Variants in DELE1 observed in about 807,000 individuals in gnomAD.
DELE1 encodes DAP3 binding cell death enhancer 1, also known as death ligand signal enhancer.
A neutral mutation model predicts 59.3 loss-of-function variants in DELE1; 54 were observed. That is an observed-to-expected ratio of 0.91 (90% CI 0.73 to 1.14). The LOEUF (loss-of-function observed/expected upper bound fraction) is 1.14. Among genes scored for constraint, DELE1 ranks in the 50% most tolerant of loss-of-function variants. The pLI is 0.00. For synonymous variants in DELE1, 264 were observed against 259.1 expected, an observed-to-expected ratio of 1.02 and a Z score of -0.18; for missense variants, 636 against 643.9, an observed-to-expected ratio of 0.99 and a Z score of 0.13.
chr5:141,924,913 C>A (rs1016792035), intron 2 of DELE1, among the ~76,000 whole-genome samples: 1 of 150,936 alleles, frequency 6.6e-6, no homozygotes, highest in African/African-American at 2.4e-5. Context: ...CGTCACCACA[C>A]CCTGCTAATT....
chr5:141,928,414 TGAA>T, intron 4 of DELE1, 116 bp downstream of exon 4: 1 of 1,258,728 alleles, frequency 7.9e-7, no homozygotes, highest in South Asian at 1.5e-5. Flanking sequence ...CTTTCCTATC[TGAA>T]GTCAGAGGAA....
intron 1 of DELE1, 124 bp downstream of exon 1, chr5:141,924,096 G>A: frequency 7.7e-7 from 1 of 1,293,394 alleles, no homozygotes; most frequent in Non-Finnish European, 1.1e-6. Context: ...GGCGGGGCTT[G>A]AAAGAGGGCG....
At chr5:141,936,685 G>A (rs1241628432) in intron 10 of DELE1, among the ~76,000 whole-genome samples, 7 of 152,100 alleles carry the variant, frequency 4.6e-5, no homozygotes, top group Non-Finnish European at 8.8e-5. Context: ...TGCCCACCTT[G>A]CCCTCCCAAA....
rs747756375 is a variant in DELE1 at position 141,928,275 on chromosome 5, C to G, written c.389C>G (p.Ser130Cys). 2 of 1,614,170 alleles carry G rather than the reference C, an allele frequency of 1.2e-6. No individual in the cohort carries two copies. Among genetic ancestry groups the G allele is most frequent in the South Asian group, 2.2e-5 (2 of 91,084 alleles). ...WHSPLDRFFS[S>C]PLWHPCSSLR... is the part of the protein sequence containing the mutation. ...AGTCCCCTGGACCGTTTCTTCTCAT[C>G]TCCCTTGTGGCACCCATGCTCCTGT... Residue 130 changes from serine (S) to cysteine (C), a missense_variant, in exon 4 of 12, where the codon TCT (serine) becomes TGT (cysteine). Transcript: ENST00000432126.
Position 141,940,643 on chromosome 5 carries a change from C to T in DELE1, c.*1884C>T. 1 of 986,038 alleles carries T rather than the reference C, an allele frequency of 1.0e-6. No individual in the cohort carries two copies. The highest frequency in any genetic ancestry group is 1.2e-6 in the Non-Finnish European group (1 of 830,270). 61.1% of individuals were successfully genotyped at this position (986,038 alleles called of 1,614,324 possible). A position where few individuals can be genotyped will look rare whatever the true frequency, so the allele number is the denominator to read the frequency against. On this transcript the variant is annotated 3_prime_UTR_variant, in exon 12 of 12. Coordinates refer to ENST00000432126, the MANE Select transcript of DELE1 (RefSeq NM_014773.5). ...AGCGTCCTCTAGCTCCATCTCCTCG[C>T]CTGCTCCCTGCCTCCTTTTCAGGGC...
rs370395241 is a variant in DELE1, at chr5:141,934,235, C to T, written c.898-5C>T. The T allele has an allele frequency of 2.7e-5, 44 of 1,600,346 alleles. No homozygotes were observed. Among genetic ancestry groups the T allele is most frequent in the South Asian group, 5.5e-5 (5 of 90,512 alleles). On this transcript the variant is annotated splice_polypyrimidine_tract_variant and splice_region_variant and intron_variant, in intron 8 of 11. Coordinates refer to ENST00000432126, the MANE Select transcript of DELE1 (RefSeq NM_014773.5). ...GCCGACTGGGTGTTTCTCCCTTTGC[C>T]CCAGGCGGTCCTTTATTATCAGTTG...
rs1752754598 is a variant in DELE1, at chr5:141,941,814, G to A, written c.*3055G>A. ...CAGTAAATATACATTCAACAAATAA[G>A]TGAGTGATTATACTCAACTCCCCCC... On this transcript the variant is annotated 3_prime_UTR_variant, in exon 12 of 12. Coordinates refer to ENST00000432126, the MANE Select transcript of DELE1 (RefSeq NM_014773.5). 5.1e-6 allele frequency: 5 copies of A among 985,226 alleles called. No individual in the cohort carries two copies. In the South Asian group the frequency reaches 2.3e-4, roughly 46 times the overall value. The allele number at this position is 985,226 out of a possible 1,614,324, so 61.0% of individuals were successfully genotyped here.
rs749225437 is a variant in DELE1, at chr5:141,934,313, TACGAG to T, written c.974_978del (p.Arg325ProfsTer8). On this transcript the variant is annotated frameshift_variant, in exon 9 of 12. Transcript: ENST00000432126. LOFTEE classifies it high-confidence loss of function. ...CAGTACCGCTATGCCAGGTGCCTAC[TACGAG>T]ACCCAGCCTCTTCGTGGAACCCTGA... 5 of 1,614,202 alleles carry T rather than the reference TACGAG, an allele frequency of 3.1e-6. No individual in the cohort carries two copies. The highest frequency in any genetic ancestry group is 4.2e-6 in the Non-Finnish European group (5 of 1,180,034).
In DELE1 at chr5:141,941,797, A is replaced by G. The variant is rs1752753641; in HGVS notation, c.*3038A>G. ...TGGGGCACTCAGATGTTCAGTAAAT[A>G]TACATTCAACAAATAAGTGAGTGAT... On this transcript the variant is annotated 3_prime_UTR_variant, in exon 12 of 12. Coordinates refer to ENST00000432126, the MANE Select transcript of DELE1 (RefSeq NM_014773.5). 2 of 985,286 alleles carry G rather than the reference A, an allele frequency of 2.0e-6. No individual in the cohort carries two copies. Among genetic ancestry groups the G allele is most frequent in the African/African-American group, 1.7e-5 (1 of 57,218 alleles). The allele number at this position is 985,286 out of a possible 1,614,324, so 61.0% of individuals were successfully genotyped here.
At chr5:141,938,482 T>C (rs376293860) in intron 11 of DELE1, 39 bp from the exon 12 acceptor site, 17 of 1,595,884 alleles carry the variant, frequency 1.1e-5, no homozygotes, top group African/African-American at 5.4e-5. Flanking sequence ...TCCAAGAATA[T>C]ACAGCAAGAG....
Position 141,940,386 on chromosome 5 carries a change from A to C in DELE1, c.*1627A>C, listed in dbSNP as rs984445660. The C allele has an allele frequency of 4.1e-6, 4 of 984,978 alleles. No individual in the cohort carries two copies. In the African/African-American group the frequency reaches 7.0e-5, roughly 17 times the overall value. 61.0% of individuals were successfully genotyped at this position (984,978 alleles called of 1,614,324 possible). On this transcript the variant is annotated 3_prime_UTR_variant, in exon 12 of 12. Transcript: ENST00000432126. Reference sequence around the variant, plus strand: ...GCTTCTGGATGTTAGCCCAAGTTGAATAGCATAGATGTGGTTGAGAGTGGG... The same window carrying C: ...GCTTCTGGATGTTAGCCCAAGTTGACTAGCATAGATGTGGTTGAGAGTGGG...
In DELE1 at chr5:141,937,248, T is replaced by C. The variant is rs746756122; in HGVS notation, c.1200T>C (p.Gly400=). Residue 400 remains glycine (G), a synonymous_variant, in exon 11 of 12, where the codon GGT becomes GGC. Transcript: ENST00000432126. ...HLGICYEKGL[G]VQRNLGEALR... Reference sequence around the variant, plus strand: ...GAATTTGCTATGAGAAAGGCCTTGGTGTGCAGAGGAATCTGGGAGAGGCCT... The same window carrying C: ...GAATTTGCTATGAGAAAGGCCTTGGCGTGCAGAGGAATCTGGGAGAGGCCT... The C allele has an allele frequency of 1.2e-6, 2 of 1,614,202 alleles. No individual in the cohort carries two copies. The highest frequency in any genetic ancestry group is 1.7e-6 in the Non-Finnish European group (2 of 1,180,028).
intron 7 of DELE1, among the ~76,000 whole-genome samples, chr5:141,930,685 C>CA (rs1041680489): frequency 9.2e-5 from 14 of 152,224 alleles, no homozygotes; most frequent in Admixed American, 9.2e-4. Context: ...GGGCACGTAG[C>CA]ATTCTCTGCC....
intron 7 of DELE1, 89 bp from the exon 8 acceptor site, chr5:141,933,170 G>A (rs1013390479): frequency 8.0e-6 from 7 of 874,156 alleles, no homozygotes; most frequent in Non-Finnish European, 1.1e-5. Flanking sequence ...AAAGGGAGGA[G>A]GATCAGATGA....
chr5:141,938,631 A>C lies in DELE1; in HGVS notation c.1420A>C (p.Ser474Arg). The C allele has an allele frequency of 1.2e-6, 2 of 1,614,126 alleles. No homozygotes were observed. The highest frequency in any genetic ancestry group is 1.7e-6 in the Non-Finnish European group (2 of 1,180,018). The stretch of plus-strand genomic sequence containing the variant: ...AACCTCACGCCTACCACATGCCTCG[A>C]GCACAGGCAACCTTGGCCTCCTCTG... Reference protein sequence around the residue: ...AGTSRLPHASSTGNLGLLCRS... With the variant: ...AGTSRLPHASRTGNLGLLCRS... The change falls in exon 12 of 12, where the codon AGC becomes CGC. Residue 474 changes from serine (S) to arginine (R), a missense_variant. By Grantham distance (110) the Ser-to-Arg change is moderately radical. Transcript: ENST00000432126.
rs114133354 is a variant in DELE1 at position 141,938,651 on chromosome 5, C to T, written c.1440C>T (p.Leu480=). The T allele has an allele frequency of 3.6e-4, 589 of 1,614,140 alleles. 1 individual carries two copies. The highest frequency in any genetic ancestry group is 4.7e-4 in the Non-Finnish European group (556 of 1,180,028). Residue 480 remains leucine, a synonymous_variant, in exon 12 of 12, where the codon CTC becomes CTT. Coordinates refer to ENST00000432126, the MANE Select transcript of DELE1 (RefSeq NM_014773.5). Reference sequence around the variant, plus strand: ...CCTCGAGCACAGGCAACCTTGGCCTCCTCTGCAGAAGTGGGCATCTCGGAG... The same window carrying T: ...CCTCGAGCACAGGCAACCTTGGCCTTCTCTGCAGAAGTGGGCATCTCGGAG... ...PHASSTGNLG[L]LCRSGHLGAS... is the part of the protein sequence containing the mutation.
intron 10 of DELE1, chr5:141,936,963 G>T (rs961012708): frequency 7.0e-5 from 95 of 1,353,086 alleles, no homozygotes; most frequent in East Asian, 5.9e-4. Flanking sequence ...CCTCCACACT[G>T]CCCTGGCTGG....
intron 7 of DELE1, among the ~76,000 whole-genome samples, chr5:141,930,538 AG>A (rs1751823766): frequency 6.6e-6 from 1 of 152,214 alleles, no homozygotes; most frequent in African/African-American, 2.4e-5. Context: ...GGTCGGGGCA[AG>A]GTAGGGAAGC....
chr5:141,924,514 G>GC, intron 1 of DELE1, 67 bp from the exon 2 acceptor site: 1 of 918,176 alleles, frequency 1.1e-6, no homozygotes, highest in African/African-American at 1.6e-5. Context: ...AAGAACCTCT[G>GC]CTGAGGCAGA....
Sources: allele counts gnomAD v4.1 joint callset (sites outside exome capture counted in the v4.1 genomes callset), GRCh38; gene constraint gnomAD v4.1.1; transcripts MANE v1.5; gene names NCBI Gene and HGNC (gene_info 2026-07-23, HGNC 2026-07-21).